The following MPP7 variants were observed in gnomAD, a reference collection of about 807,000 sequenced individuals.
The protein encoded by MPP7 is MAGUK p55 scaffold protein 7.
Under a neutral mutation model 76.5 loss-of-function variants are expected in MPP7, and 60 were observed. That is an observed-to-expected ratio of 0.78 (90% CI 0.64 to 0.97). The LOEUF is 0.97. Among genes scored for constraint, MPP7 ranks in the 50% least tolerant of loss-of-function variants. The probability of loss-of-function intolerance (pLI) is 0.00; values close to 1 mark genes in which losing one functional copy is unlikely to be tolerated. For synonymous variants in MPP7, 237 were observed against 244.5 expected, an observed-to-expected ratio of 0.97 and a Z score of 0.29; for missense variants, 641 against 694.0, an observed-to-expected ratio of 0.92 and a Z score of 0.86.
At chr10:28,224,207 C>T (rs1838614134) in intron 2 of MPP7, among the ~76,000 whole-genome samples, 1 of 151,818 alleles carries the variant, frequency 6.6e-6, no homozygotes, top group Non-Finnish European at 1.5e-5. Context: ...TAAATAAATA[C>T]ACAATTTCAC....
At chr10:28,119,262 C>T (rs1389288815) in intron 11 of MPP7, among the ~76,000 whole-genome samples, 3 of 151,942 alleles carry the variant, frequency 2.0e-5, no homozygotes, top group Non-Finnish European at 4.4e-5. Flanking sequence ...TGCTTTTGTA[C>T]CCAAGAAAAT....
chr10:28,093,500 G>T (rs1853418367), intron 11 of MPP7, among the ~76,000 whole-genome samples: 1 of 148,014 alleles, frequency 6.8e-6, no homozygotes, highest in Non-Finnish European at 1.5e-5. Context: ...AGGCTGGAGT[G>T]CAGTGGTGCA....
At chr10:28,203,011 C>G (rs942550166) in intron 2 of MPP7, 12 of 152,218 alleles carry the variant, frequency 7.9e-5, no homozygotes, top group Non-Finnish European at 1.8e-4. Flanking sequence ...CCATCCATCT[C>G]CATCACAGCC....
At chr10:28,224,608 C>A (rs910786788) in intron 2 of MPP7, among the ~76,000 whole-genome samples, 2 of 152,130 alleles carry the variant, frequency 1.3e-5, no homozygotes, top group African/African-American at 4.8e-5. Context: ...GGATAAAGTT[C>A]TGATCATTTT....
intron 5 of MPP7, among the ~76,000 whole-genome samples, chr10:28,139,786 T>C (rs1835456019): frequency 1.3e-5 from 2 of 152,224 alleles, no homozygotes; most frequent in African/African-American, 4.8e-5. Flanking sequence ...ACATTGTATA[T>C]TTAACCTTGT....
chr10:28,069,622 A>C lies in MPP7; in HGVS notation c.1204+150T>G, dbSNP rs562680785. On this transcript the variant is annotated intron_variant, in intron 13 of 16. Transcript: ENST00000683449. ...CATCTCAAAAAAACAAAACAAACAA[A>C]AAAAAAACTCACATGCCCCATAAAT... The C allele has an allele frequency of 4.8e-5, 23 of 480,730 alleles. No homozygotes were observed. The East Asian group carries it at 7.5e-4, about 16-fold the overall frequency. The allele number at this position is 480,730 out of a possible 1,614,324, so 29.8% of individuals were successfully genotyped here. A position where few individuals can be genotyped will look rare whatever the true frequency, so the allele number is the denominator to read the frequency against.
chr10:28,318,218 A>G (rs996546924), intron 2 of MPP7, among the ~76,000 whole-genome samples: 2 of 152,140 alleles, frequency 1.3e-5, no homozygotes, highest in African/African-American at 2.4e-5. Context: ...AATTTCCTCA[A>G]CCGTAACAGA....
At chr10:28,128,940 T>C (rs186471781) in intron 6 of MPP7, among the ~76,000 whole-genome samples, 76 of 152,342 alleles carry the variant, frequency 5.0e-4, no homozygotes, top group African/African-American at 1.7e-3. Context: ...GGTCTCATTA[T>C]AGACAGAGAT....
chr10:28,299,554 A>C (rs1274351075), intron 1 of MPP7, among the ~76,000 whole-genome samples: 1 of 152,180 alleles, frequency 6.6e-6, no homozygotes, highest in Non-Finnish European at 1.5e-5. Context: ...ATATTGTGAG[A>C]ATTACCAAAA....
At chr10:28,209,834 T>C (rs1277017715) in intron 2 of MPP7, among the ~76,000 whole-genome samples, 1 of 152,226 alleles carries the variant, frequency 6.6e-6, no homozygotes, top group Non-Finnish European at 1.5e-5. Context: ...TAAGACATTA[T>C]TTCTGGGTAT....
chr10:28,167,687 T>C (rs906039572), intron 3 of MPP7, among the ~76,000 whole-genome samples: 4 of 152,172 alleles, frequency 2.6e-5, no homozygotes, highest in African/African-American at 9.7e-5. Context: ...TATATATATA[T>C]GGAAATGGTT....
At chr10:28,222,995 G>T (rs912772862) in intron 2 of MPP7, among the ~76,000 whole-genome samples, 1 of 151,508 alleles carries the variant, frequency 6.6e-6, no homozygotes, top group Non-Finnish European at 1.5e-5. Flanking sequence ...TGAGCCAGGC[G>T]TGGTGGCAGG....
chr10:28,239,203 G>A (rs890498273), intron 1 of MPP7, among the ~76,000 whole-genome samples: 7 of 150,598 alleles, frequency 4.6e-5, no homozygotes, highest in African/African-American at 1.7e-4. Context: ...GGAGTGCAAT[G>A]GTGCGATCTG....
intron 3 of MPP7, among the ~76,000 whole-genome samples, chr10:28,186,715 C>T (rs183497472): frequency 3.9e-5 from 6 of 152,248 alleles, no homozygotes; most frequent in Non-Finnish European, 7.4e-5. Context: ...TCCAGAAATG[C>T]GGGTGATAAA....
chr10:28,119,893 C>T (rs565366838), intron 10 of MPP7, among the ~76,000 whole-genome samples, 178 bp from the exon 11 acceptor site: 1 of 151,974 alleles, frequency 6.6e-6, no homozygotes, highest in South Asian at 2.1e-4. Context: ...AAATTATCTT[C>T]CCTCCCTCCA....
intron 13 of MPP7, among the ~76,000 whole-genome samples, chr10:28,067,519 A>G (rs1356213100): frequency 5.9e-5 from 9 of 152,204 alleles, no homozygotes; most frequent in Non-Finnish European, 1.2e-4. Flanking sequence ...ACATTTTGAC[A>G]TTGATATCTG....
chr10:28,251,649 G>C (rs1333967103), intron 1 of MPP7, among the ~76,000 whole-genome samples: 2 of 152,166 alleles, frequency 1.3e-5, no homozygotes, highest in Non-Finnish European at 2.9e-5. Context: ...CTTCATTGCA[G>C]AGTTACTACT....
At chr10:28,156,189 A>G (rs1836055153) in intron 3 of MPP7, among the ~76,000 whole-genome samples, 1 of 152,232 alleles carries the variant, frequency 6.6e-6, no homozygotes, top group Admixed American at 6.5e-5. Context: ...TTAACTTTCT[A>G]TGCCTTAGTT....
intron 1 of MPP7, among the ~76,000 whole-genome samples, chr10:28,298,514 A>G (rs1144513): frequency 0.67 from 101,244 of 152,100 alleles, 33,968 homozygotes; most frequent in African/African-American, 0.72. Flanking sequence ...AAACCACGCC[A>G]TAAACAGATG....
Sources: gnomAD v4.1 joint callset for allele counts (sites outside exome capture counted in the v4.1 genomes callset) on GRCh38, gnomAD v4.1.1 for gene constraint, MANE v1.5 for transcripts, NCBI Gene and HGNC (gene_info 2026-07-23, HGNC 2026-07-21) for gene names.